The following EMILIN2 variants were observed in gnomAD, a reference collection of about 807,000 sequenced individuals.
EMILIN2 encodes the protein EMILIN-2.
Under a neutral mutation model 87.1 loss-of-function variants are expected in EMILIN2, and 71 were observed. That is an observed-to-expected ratio of 0.82 (90% CI 0.67 to 0.99). EMILIN2 has a LOEUF of 0.99. EMILIN2 is among the 50% of genes least tolerant of loss of function. The probability of loss-of-function intolerance (pLI) is 0.00; values close to 1 mark genes in which losing one functional copy is unlikely to be tolerated. For synonymous variants in EMILIN2, 581 were observed against 563.4 expected, an observed-to-expected ratio of 1.03 and a Z score of -0.44; for missense variants, 1,407 against 1,371.8, an observed-to-expected ratio of 1.03 and a Z score of -0.40.
chr18:2,847,705 C>G lies in EMILIN2; in HGVS notation c.135-104C>G. Reference sequence around the variant, plus strand: ...CCCGCCTCCGCAGAGGGCGACGGGCCCCCCCGACCCTCGCTCGGTCTGGTG... The same window carrying G: ...CCCGCCTCCGCAGAGGGCGACGGGCGCCCCCGACCCTCGCTCGGTCTGGTG... On this transcript the variant is annotated intron_variant, in intron 1 of 7. Transcript: ENST00000254528. The surrounding 1 kb of genome is among the most constrained non-coding windows in gnomAD (Gnocchi z 4.5). 2.0e-6 allele frequency: 3 copies of G among 1,478,218 alleles called. No homozygotes were observed. The highest frequency in any genetic ancestry group is 1.4e-5 in the African/African-American group (1 of 70,830). The allele number at this position is 1,478,218 out of a possible 1,614,324, so 91.6% of individuals were successfully genotyped here.
upstream of EMILIN2, among the ~76,000 whole-genome samples, chr18:2,846,500 T>C (rs1387738381): frequency 1.3e-5 from 2 of 151,880 alleles, no homozygotes; most frequent in African/African-American, 4.8e-5. This position sits in a 1 kb window ranked among gnomAD's most constrained non-coding sequence, Gnocchi z 5.3. Flanking sequence ...TAAGGCAGAG[T>C]TGGGCAAAGA....
At position 2,906,543 on chromosome 18, in the gene EMILIN2, G is replaced by A. The variant is rs549192935; in HGVS notation, c.2360-240G>A. On this transcript the variant is annotated intron_variant, in intron 4 of 7. Coordinates refer to ENST00000254528, the MANE Select transcript of EMILIN2 (RefSeq NM_032048.3). ...TTTGGAAAGTGCAGCCGTCTGCGCC[G>A]GAGAGGCTGGAAACGCCCCGGCCCC... is the stretch of plus-strand genomic sequence containing the variant. The A allele has an allele frequency of 3.6e-5, 13 of 357,594 alleles. No individual in the cohort carries two copies. The South Asian group carries it at 1.0e-3, about 28-fold the overall frequency. 22.2% of individuals were successfully genotyped at this position (357,594 alleles called of 1,614,324 possible).
chr18:2,853,399 G>T (rs912423415), intron 2 of EMILIN2, among the ~76,000 whole-genome samples: 3 of 152,152 alleles, frequency 2.0e-5, no homozygotes, highest in Non-Finnish European at 4.4e-5. Context: ...CTGTAAAAGT[G>T]CAGAGGTTCT....
rs1455124755 is a variant in EMILIN2, at chr18:2,848,196, G to GCTCCCA, written c.257+274_257+279dup. On this transcript the variant is annotated intron_variant, in intron 2 of 7. Coordinates refer to ENST00000254528, the MANE Select transcript of EMILIN2 (RefSeq NM_032048.3). This position sits in a 1 kb window ranked among gnomAD's most constrained non-coding sequence, Gnocchi z 4.1. ...GGGGGCGTAGGAGAGGATGAACAAA[G>GCTCCCA]CTCCCACTCCCACTTCTGTTTTCTC... is the stretch of plus-strand genomic sequence containing the variant. Among the ~76,000 whole-genome samples the GCTCCCA allele has an allele frequency of 2.2e-4, 34 of 152,350 alleles. No individual in the cohort carries two copies. The highest frequency in any genetic ancestry group is 8.2e-4 in the African/African-American group (34 of 41,584).
intron 7 of EMILIN2, 23 bp from the exon 8 acceptor site, chr18:2,913,032 GCAGGTGAGCACA>G (rs759093646): frequency 2.5e-6 from 4 of 1,598,424 alleles, no homozygotes; most frequent in Admixed American, 3.3e-5. Flanking sequence ...TGTGACGACA[GCAGGTGAGCACA>G]GGGTTTGCCT....
intron 2 of EMILIN2, among the ~76,000 whole-genome samples, chr18:2,876,838 T>C (rs527932202): frequency 6.6e-6 from 1 of 152,338 alleles, no homozygotes; most frequent in South Asian, 2.1e-4. Context: ...ACCTTTTAGA[T>C]TCACTGGATA....
intron 2 of EMILIN2, among the ~76,000 whole-genome samples, chr18:2,857,597 C>T (rs142736895): frequency 6.6e-6 from 1 of 151,354 alleles, no homozygotes; most frequent in East Asian, 2.0e-4. Flanking sequence ...GAACTCAGGG[C>T]GTGGGACGAG....
At chr18:2,852,313 T>G (rs753232828) in intron 2 of EMILIN2, among the ~76,000 whole-genome samples, 7 of 152,150 alleles carry the variant, frequency 4.6e-5, no homozygotes, top group Admixed American at 3.3e-4. Context: ...AAGTTGTTAT[T>G]AGAGAGGCGA....
chr18:2,852,699 A>G (rs998480223), intron 2 of EMILIN2, among the ~76,000 whole-genome samples: 2 of 152,116 alleles, frequency 1.3e-5, no homozygotes, highest in Non-Finnish European at 2.9e-5. Context: ...TTGTATTTTT[A>G]GTAGACACAG....
rs1039340234 is a variant in EMILIN2, at chr18:2,906,979, G to GC, written c.2562dup (p.Ala855ArgfsTer66). On this transcript the variant is annotated frameshift_variant, in exon 5 of 8. Coordinates refer to ENST00000254528, the MANE Select transcript of EMILIN2 (RefSeq NM_032048.3). LOFTEE classifies it high-confidence loss of function. ...TCATCGCGGAGACGGGCCAGGCCGG[G>GC]CCCCCCGCAGGCGCAGGCGTGTCTG... is the stretch of plus-strand genomic sequence containing the variant. 76 of 1,388,202 alleles carry GC rather than the reference G, an allele frequency of 5.5e-5. No individual in the cohort carries two copies. Among genetic ancestry groups the GC allele is most frequent in the Non-Finnish European group, 6.5e-5 (69 of 1,069,412 alleles). The allele number at this position is 1,388,202 out of a possible 1,614,324, so 86.0% of individuals were successfully genotyped here. A position where few individuals can be genotyped will look rare whatever the true frequency, so the allele number is the denominator to read the frequency against.
chr18:2,912,399 C>T (rs1469923944), intron 7 of EMILIN2, among the ~76,000 whole-genome samples: 3 of 152,142 alleles, frequency 2.0e-5, no homozygotes, highest in African/African-American at 7.2e-5. Flanking sequence ...GGCTTGTTGT[C>T]AGCGGCAAGG....
intron 3 of EMILIN2, among the ~76,000 whole-genome samples, chr18:2,886,623 C>A (rs1264501715): frequency 6.6e-6 from 1 of 152,128 alleles, no homozygotes; most frequent in East Asian, 1.9e-4. Flanking sequence ...AGACCATATT[C>A]TTTATTTACT....
intron 2 of EMILIN2, among the ~76,000 whole-genome samples, chr18:2,859,831 T>C (rs1254440831): frequency 1.3e-5 from 2 of 152,186 alleles, no homozygotes; most frequent in Non-Finnish European, 2.9e-5. Context: ...TAGGGTGTCC[T>C]TTCCCCACTT....
At chr18:2,895,644 C>T (rs1415500349) in intron 4 of EMILIN2, among the ~76,000 whole-genome samples, 1 of 152,134 alleles carries the variant, frequency 6.6e-6, no homozygotes. Flanking sequence ...CTCCACCTGG[C>T]CCCTCTCTCC....
In EMILIN2 at chr18:2,847,447, C is replaced by A; in HGVS notation, c.134+125C>A. On this transcript the variant is annotated intron_variant, in intron 1 of 7. Coordinates refer to ENST00000254528, the MANE Select transcript of EMILIN2 (RefSeq NM_032048.3). This position sits in a 1 kb window ranked among gnomAD's most constrained non-coding sequence, Gnocchi z 4.5. Reference sequence around the variant, plus strand: ...GGGGCCTCCCTTGGACTTCCCCGGGCGGCTCCCTCTGCGGGGGACCGCGCG... The same window carrying A: ...GGGGCCTCCCTTGGACTTCCCCGGGAGGCTCCCTCTGCGGGGGACCGCGCG... 1 of 1,095,766 alleles carries A rather than the reference C, an allele frequency of 9.1e-7. No homozygotes were observed. The highest frequency in any genetic ancestry group is 3.2e-5 in the South Asian group (1 of 31,026). 67.9% of individuals were successfully genotyped at this position (1,095,766 alleles called of 1,614,324 possible).
intron 2 of EMILIN2, among the ~76,000 whole-genome samples, chr18:2,865,820 GAGGC>G (rs1261676544): frequency 6.6e-6 from 1 of 152,224 alleles, no homozygotes; most frequent in African/African-American, 2.4e-5. Flanking sequence ...GCAGTCTACA[GAGGC>G]AGGCAGGCCT....
intron 2 of EMILIN2, 85 bp from the exon 3 acceptor site, chr18:2,884,879 C>T: frequency 6.9e-7 from 1 of 1,451,508 alleles, no homozygotes. Flanking sequence ...CCTGCATGCC[C>T]TGAGTCCTCT....
chr18:2,900,849 C>G (rs1416346987), intron 4 of EMILIN2, among the ~76,000 whole-genome samples: 2 of 152,126 alleles, frequency 1.3e-5, no homozygotes, highest in African/African-American at 4.8e-5. Flanking sequence ...TTCTGTATGT[C>G]AGCACTTTGA....
chr18:2,892,473 T>G lies in EMILIN2; in HGVS notation c.2346T>G (p.Phe782Leu), dbSNP rs2076843739. 3 of 1,591,934 alleles carry G rather than the reference T, an allele frequency of 1.9e-6. No individual in the cohort carries two copies. The East Asian group carries it at 6.8e-5, about 36-fold the overall frequency. Reference protein sequence around the residue: ...ISTDLQDLVKFQPSAKAPSPP... With the variant: ...ISTDLQDLVKLQPSAKAPSPP... ...CTGATTTGCAAGATCTGGTCAAATT[T>G]CAGCCATCAGCAAGTAAGTTGAATA... The change falls in exon 4 of 8, where the codon TTT becomes TTG. Residue 782 changes from phenylalanine to leucine, a missense_variant. By Grantham distance (22) the Phe-to-Leu change is conservative (BLOSUM62 0). Transcript: ENST00000254528.
Sources: allele counts gnomAD v4.1 joint callset (sites outside exome capture counted in the v4.1 genomes callset), GRCh38; gene constraint gnomAD v4.1.1; non-coding constraint Gnocchi (gnomAD v3.1); transcripts MANE v1.5; gene names NCBI Gene and HGNC (gene_info 2026-07-23, HGNC 2026-07-21).